CEPT1: variants seen among roughly 807,000 people sequenced by gnomAD.
CEPT1 encodes choline/ethanolamine phosphotransferase 1.
A neutral mutation model predicts 42.6 loss-of-function variants in CEPT1; 7 were observed. The ratio of observed to expected loss-of-function variants is 0.16; its 90% CI spans 0.09 to 0.31. The LOEUF is 0.31. CEPT1 is among the 10% of genes least tolerant of loss of function. The pLI, the probability that CEPT1 is intolerant of heterozygous loss-of-function variation, is 1.00. For synonymous variants in CEPT1, 171 were observed against 171.9 expected (o/e 0.99, Z 0.04); for missense variants, 306 against 502.1 (o/e 0.61, Z 3.73).
At position 111,184,319 on chromosome 1, in the gene CEPT1, T is replaced by C. The variant is rs764018238; in HGVS notation, c.*9T>C. On this transcript the variant is annotated 3_prime_UTR_variant, in exon 9 of 9. Coordinates refer to ENST00000357172, the MANE Select transcript of CEPT1 (RefSeq NM_006090.5). ...ATTCTAATCATCATTAATGATGTAA[T>C]TGGTATATAGGAACATCATGTTTTC... 2 of 1,605,962 alleles carry C rather than the reference T, an allele frequency of 1.2e-6. No individual in the cohort carries two copies. Among genetic ancestry groups the C allele is most frequent in the Admixed American group, 1.7e-5 (1 of 59,546 alleles).
At chr1:111,164,534 A>C (rs1025119868) in intron 4 of CEPT1, among the ~76,000 whole-genome samples, 12 of 152,106 alleles carry the variant, frequency 7.9e-5, no homozygotes, top group Non-Finnish European at 1.5e-4. Context: ...ATTATACTGA[A>C]TATCTCCCAT....
chr1:111,162,263 C>T (rs1655914614), intron 4 of CEPT1, among the ~76,000 whole-genome samples: 1 of 152,166 alleles, frequency 6.6e-6, no homozygotes, highest in Non-Finnish European at 1.5e-5. Flanking sequence ...GTGACAGAAG[C>T]AAGGAGACCC....
chr1:111,148,510 T>C (rs1408426079), intron 2 of CEPT1, among the ~76,000 whole-genome samples: 2 of 152,220 alleles, frequency 1.3e-5, no homozygotes, highest in African/African-American at 2.4e-5. Flanking sequence ...TAAACATGTA[T>C]GCCTGAAGAC....
chr1:111,148,629 G>A (rs991875823), intron 2 of CEPT1, among the ~76,000 whole-genome samples: 16 of 152,152 alleles, frequency 1.1e-4, no homozygotes, highest in African/African-American at 3.9e-4. Context: ...CATTAAGAAA[G>A]GATGCATGCT....
intron 5 of CEPT1, chr1:111,180,379 T>C (rs886583652): frequency 1.3e-5 from 2 of 152,192 alleles, no homozygotes; most frequent in Non-Finnish European, 2.9e-5. Context: ...AGATTGAGAA[T>C]GTAATGTCCC....
At chr1:111,174,134 A>G (rs974597161) in intron 4 of CEPT1, among the ~76,000 whole-genome samples, 3 of 152,216 alleles carry the variant, frequency 2.0e-5, no homozygotes, top group Non-Finnish European at 4.4e-5. Context: ...GAGGAAAGGA[A>G]AAACAGCATA....
chr1:111,147,163 C>CT (rs1239599825), intron 1 of CEPT1, among the ~76,000 whole-genome samples: 2 of 152,118 alleles, frequency 1.3e-5, no homozygotes, highest in Non-Finnish European at 2.9e-5. Context: ...ATAAAATGTG[C>CT]TTAAGTTTTG....
rs12401871 is a variant in CEPT1, at chr1:111,149,834, A to C, written c.339+1781A>C. 6.9e-3 allele frequency among the ~76,000 whole-genome samples: 1,056 copies of C among 152,336 alleles called. 14 individuals are homozygous for C. Among genetic ancestry groups the C allele is most frequent in the African/African-American group, 0.021 (880 of 41,562 alleles). ...GTTCTAGGATGGGGATCAAGGAGTGAGAGCAGGTTCAAGGATAGTTCAGCC... is the reference window on the plus strand; with the variant it reads ...GTTCTAGGATGGGGATCAAGGAGTGCGAGCAGGTTCAAGGATAGTTCAGCC... On this transcript the variant is annotated intron_variant, in intron 2 of 8. Coordinates refer to ENST00000357172, the MANE Select transcript of CEPT1 (RefSeq NM_006090.5).
intron 2 of CEPT1, among the ~76,000 whole-genome samples, chr1:111,153,322 C>T (rs1655386725): frequency 6.6e-6 from 1 of 152,152 alleles, no homozygotes; most frequent in African/African-American, 2.4e-5. Flanking sequence ...GATGCTCCTG[C>T]CTCAACCTCC....
chr1:111,150,192 T>G (rs1007145941), intron 2 of CEPT1, among the ~76,000 whole-genome samples: 1 of 152,334 alleles, frequency 6.6e-6, no homozygotes, highest in South Asian at 2.1e-4. Flanking sequence ...TAAATAGGTC[T>G]TGGTTGTTTT....
intron 4 of CEPT1, among the ~76,000 whole-genome samples, chr1:111,164,772 T>C (rs1033439536): frequency 6.6e-6 from 1 of 151,724 alleles, no homozygotes; most frequent in African/African-American, 2.4e-5. Flanking sequence ...AGGTGCGTGC[T>C]GCCACCATGC....
chr1:111,169,703 T>A (rs1203128239), intron 4 of CEPT1, among the ~76,000 whole-genome samples: 2 of 152,218 alleles, frequency 1.3e-5, no homozygotes, highest in African/African-American at 4.8e-5. Flanking sequence ...ACTTTTTTTA[T>A]GAAGTTTCGA....
At chr1:111,173,596 C>T (rs1656527655) in intron 4 of CEPT1, among the ~76,000 whole-genome samples, 1 of 152,126 alleles carries the variant, frequency 6.6e-6, no homozygotes, top group South Asian at 2.1e-4. Flanking sequence ...AAATTATTCA[C>T]TTTGTTGAAA....
chr1:111,151,127 TG>T (rs1374656257), intron 2 of CEPT1, among the ~76,000 whole-genome samples: 2 of 142,912 alleles, frequency 1.4e-5, no homozygotes, highest in Non-Finnish European at 3.1e-5. Context: ...TTTTTTTGTT[TG>T]TTTTTTTTTT....
At chr1:111,177,413 A>G (rs1397842255) in intron 5 of CEPT1, among the ~76,000 whole-genome samples, 1 of 152,154 alleles carries the variant, frequency 6.6e-6, no homozygotes, top group Non-Finnish European at 1.5e-5. Flanking sequence ...ATTGGCACTC[A>G]AGAAGTTTTG....
chr1:111,168,398 C>T (rs752754121), intron 4 of CEPT1, among the ~76,000 whole-genome samples: 12 of 150,624 alleles, frequency 8.0e-5, no homozygotes, highest in African/African-American at 2.2e-4. Context: ...TACATTAGGT[C>T]GCCTGCCCTG....
intron 3 of CEPT1, 89 bp downstream of exon 3, chr1:111,159,616 A>G: frequency 1.0e-6 from 1 of 971,036 alleles, no homozygotes; most frequent in South Asian, 2.1e-5. Context: ...TAGTCATGAG[A>G]ATAAGTAATT....
chr1:111,159,330 A>T (rs543071639), intron 2 of CEPT1, 50 bp from the exon 3 acceptor site: 56 of 1,561,352 alleles, frequency 3.6e-5, no homozygotes, highest in Non-Finnish European at 4.7e-5. Context: ...TTAGTCAAAC[A>T]TGGTAACTGT....
chr1:111,154,262 T>C (rs985155442), intron 2 of CEPT1, among the ~76,000 whole-genome samples: 5 of 150,688 alleles, frequency 3.3e-5, no homozygotes, highest in Non-Finnish European at 7.4e-5. Context: ...TAGCTGTTGT[T>C]AATGGGGTTG....
Sources: allele counts gnomAD v4.1 joint callset (sites outside exome capture counted in the v4.1 genomes callset), GRCh38; gene constraint gnomAD v4.1.1; transcripts MANE v1.5; gene names NCBI Gene and HGNC (gene_info 2026-07-23, HGNC 2026-07-21).